BTAF1: variants seen among roughly 807,000 people sequenced by gnomAD.
The protein encoded by BTAF1 is B-TFIID TATA-box binding protein associated factor 1, also known as TATA-binding protein-associated factor 172.
Under a neutral mutation model 227.1 loss-of-function variants are expected in BTAF1, and 38 were observed. The ratio of observed to expected loss-of-function variants is 0.17; its 90% confidence interval spans 0.13 to 0.22. The LOEUF is 0.22. Among genes scored for constraint, BTAF1 ranks in the 10% least tolerant of loss-of-function variants. The pLI, the probability that BTAF1 is intolerant of heterozygous loss-of-function variation, is 1.00. For missense variants in BTAF1, 1,598 were observed against 2,204.0 expected, an observed-to-expected ratio of 0.73 and a Z score of 5.51; for synonymous variants, 742 against 751.9, an observed-to-expected ratio of 0.99 and a Z score of 0.21.
chr10:92,010,085 C>T (rs932511111), intron 28 of BTAF1, among the ~76,000 whole-genome samples: 4 of 151,708 alleles, frequency 2.6e-5, no homozygotes, highest in African/African-American at 9.7e-5. Context: ...ATAGAAGGAG[C>T]AGGACTGAAA....
In BTAF1 at chr10:91,999,603, A is replaced by G. The variant is rs191676756; in HGVS notation, c.3660+1852A>G. The stretch of plus-strand genomic sequence containing the variant: ...GAGACGGGATTTCTCCTTTTTGATC[A>G]GGCTGGTCTAAACTCCCAACCTCAG... On this transcript the variant is annotated intron_variant, in intron 25 of 37. Transcript: ENST00000265990. Among the ~76,000 whole-genome samples the G allele has an allele frequency of 4.7e-3, 723 of 152,266 alleles. 9 individuals are homozygous for G. Among genetic ancestry groups the G allele is most frequent in the Middle Eastern group, 0.027 (8 of 294 alleles).
At chr10:91,936,973 G>A (rs1243682214) in intron 2 of BTAF1, among the ~76,000 whole-genome samples, 1 of 151,628 alleles carries the variant, frequency 6.6e-6, no homozygotes, top group Non-Finnish European at 1.5e-5. Flanking sequence ...CTTTTTCCTC[G>A]GCTGTCAGCG....
At position 91,947,735 on chromosome 10, in the gene BTAF1, C is replaced by CAAAAAAAA. The variant is rs34292341; in HGVS notation, c.401-3653_401-3646dup. Among the ~76,000 whole-genome samples the CAAAAAAAA allele has an allele frequency of 1.9e-5, 2 of 107,386 alleles. 1 individual carries two copies. The highest frequency in any genetic ancestry group is 7.8e-5 in the African/African-American group (2 of 25,542). The allele number at this position is 107,386 out of a possible 152,430, so 70.4% of individuals were successfully genotyped here. Reference sequence around the variant, plus strand: ...TTTAGGACCAGTCTGTCAATGTTTGCAAAAAAAAAAAAAAAAAAAAAAGCC... The same window carrying CAAAAAAAA: ...TTTAGGACCAGTCTGTCAATGTTTGCAAAAAAAAAAAAAAAAAAAAAAAAAAAAAAGCC... On this transcript the variant is annotated intron_variant, in intron 4 of 37. Transcript: ENST00000265990.
At chr10:91,977,561 T>TTG (rs759179095) in intron 14 of BTAF1, among the ~76,000 whole-genome samples, 1 of 152,214 alleles carries the variant, frequency 6.6e-6, no homozygotes, top group African/African-American at 2.4e-5. Flanking sequence ...GTGCAGATTT[T>TTG]TGTGTGGACT....
At position 91,984,287 on chromosome 10, in the gene BTAF1, A is replaced by G. The variant is rs1211897744; in HGVS notation, c.2310A>G (p.Pro770=). The G allele has an allele frequency of 1.2e-6, 2 of 1,613,826 alleles. No homozygotes were observed. The highest frequency in any genetic ancestry group is 3.3e-5 in the Admixed American group (2 of 60,006). Residue 770 remains proline, a synonymous_variant, in exon 19 of 38, where the codon CCA becomes CCG. Transcript: ENST00000265990. ...TATATTATGACGAAATTGCCGTTCCATTCACACGAATGCAGAATGAATGTA... is the reference window on the plus strand; with the variant it reads ...TATATTATGACGAAATTGCCGTTCCGTTCACACGAATGCAGAATGAATGTA... ...EHLYYDEIAV[P]FTRMQNECKQ...
At chr10:91,932,709 G>A (rs1844353367) in intron 1 of BTAF1, among the ~76,000 whole-genome samples, 1 of 152,248 alleles carries the variant, frequency 6.6e-6, no homozygotes, top group Admixed American at 6.5e-5. Flanking sequence ...AGAAAAGGAA[G>A]TAATCTCTGT....
intron 21 of BTAF1, among the ~76,000 whole-genome samples, chr10:91,993,153 G>C (rs1052841712): frequency 6.6e-6 from 1 of 151,994 alleles, no homozygotes; most frequent in Non-Finnish European, 1.5e-5. Context: ...CTGTGATTTT[G>C]ATATTTATAT....
At chr10:92,027,983 C>CT (rs1440021367) in intron 37 of BTAF1, among the ~76,000 whole-genome samples, 1 of 152,126 alleles carries the variant, frequency 6.6e-6, no homozygotes, top group Non-Finnish European at 1.5e-5. Context: ...TTCTGCCATA[C>CT]TATGTGTATG....
chr10:92,024,733 T>TG, intron 34 of BTAF1, 23 bp from the exon 35 acceptor site: 2 of 1,158,080 alleles, frequency 1.7e-6, no homozygotes, highest in African/African-American at 4.6e-5. Flanking sequence ...GCTTATGTAG[T>TG]TTTTTTTTTT....
At chr10:91,970,278 G>A (rs1847195717) in intron 14 of BTAF1, among the ~76,000 whole-genome samples, 1 of 152,128 alleles carries the variant, frequency 6.6e-6, no homozygotes, top group Non-Finnish European at 1.5e-5. Context: ...AAGTAAATTA[G>A]TGTGAGATTC....
intron 4 of BTAF1, among the ~76,000 whole-genome samples, chr10:91,947,087 C>T (rs893650485): frequency 2.0e-5 from 3 of 152,198 alleles, no homozygotes; most frequent in Non-Finnish European, 2.9e-5. Context: ...AGGTGAACCA[C>T]CGGCCTTGGC....
intron 25 of BTAF1, among the ~76,000 whole-genome samples, chr10:92,001,228 CA>C (rs1849504701): frequency 1.3e-5 from 2 of 152,266 alleles, no homozygotes; most frequent in Admixed American, 1.3e-4. Flanking sequence ...ACAGAATTAG[CA>C]AAACAGAGTA....
In BTAF1 at chr10:92,011,083, C is replaced by A; in HGVS notation, c.4114C>A (p.Gln1372Lys). The stretch of plus-strand genomic sequence containing the variant: ...CATTTCTAAATAAAGGTTACAGCAC[C>A]AAGTAAAAAGGCACAATCTAATAGT... The part of the protein sequence containing the change: ...PPTERIRLQH[Q>K]VKRHNLIVAS... The change falls in exon 29 of 38, where the codon CAA becomes AAA. Residue 1372 changes from glutamine (Q) to lysine (K), a missense_variant. Around this residue, in one of 10 missense-constraint regions of BTAF1, gnomAD observed 184 missense variants for 341.1 expected, o/e 0.54. Coordinates refer to ENST00000265990, the MANE Select transcript of BTAF1 (RefSeq NM_003972.3). 6.2e-7 allele frequency: 1 copy of A among 1,604,116 alleles called. No individual in the cohort carries two copies. The highest frequency in any genetic ancestry group is 1.3e-5 in the African/African-American group (1 of 74,452).
intron 1 of BTAF1, chr10:91,935,198 A>G (rs563876932): frequency 2.0e-5 from 3 of 153,366 alleles, no homozygotes; most frequent in African/African-American, 7.2e-5. Flanking sequence ...TGTAATGATC[A>G]TATTAGCATA....
chr10:91,954,381 T>A (rs1214278969), intron 6 of BTAF1, among the ~76,000 whole-genome samples: 2 of 152,170 alleles, frequency 1.3e-5, no homozygotes, highest in African/African-American at 4.8e-5. Context: ...TAGGCTAGTT[T>A]ATGTAGTCCT....
intron 12 of BTAF1, 120 bp from the exon 13 acceptor site, chr10:91,963,957 C>T: frequency 9.1e-7 from 1 of 1,104,350 alleles, no homozygotes; most frequent in Non-Finnish European, 1.3e-6. Context: ...TTGACACCGT[C>T]CAAGGTCATT....
At chr10:91,952,180 GTATA>G (rs917595928) in intron 5 of BTAF1, among the ~76,000 whole-genome samples, 3 of 143,136 alleles carry the variant, frequency 2.1e-5, no homozygotes, top group Non-Finnish European at 4.6e-5. Flanking sequence ...GTGTGTGTGT[GTATA>G]TATATATTCC....
Position 91,984,260 on chromosome 10 carries a change from T to C in BTAF1, c.2283T>C (p.His761=), listed in dbSNP as rs762931529. 1 of 1,613,958 alleles carries C rather than the reference T, an allele frequency of 6.2e-7. No homozygotes were observed. The highest frequency in any genetic ancestry group is 8.5e-7 in the Non-Finnish European group (1 of 1,179,928). The change falls in exon 19 of 38, where the codon CAT becomes CAC. Residue 761 remains histidine, a synonymous_variant. Coordinates refer to ENST00000265990, the MANE Select transcript of BTAF1 (RefSeq NM_003972.3). The part of the protein sequence containing the change: ...QPRLLDILSE[H]LYYDEIAVPF... ...GTTTACTTGATATCCTTTCAGAACA[T>C]TTATATTATGACGAAATTGCCGTTC...
chr10:91,925,514 C>CTTTTTT (rs1429217189), intron 1 of BTAF1, among the ~76,000 whole-genome samples: 1 of 69,032 alleles, frequency 1.4e-5, no homozygotes, highest in Non-Finnish European at 4.3e-5. Context: ...CAACGCTAAT[C>CTTTTTT]TCTTTTTTTT....
Sources: allele counts gnomAD v4.1 joint callset (sites outside exome capture counted in the v4.1 genomes callset), GRCh38; gene constraint gnomAD v4.1.1; regional missense constraint gnomAD v4.1.1; transcripts MANE v1.5; gene names NCBI Gene and HGNC (gene_info 2026-07-23, HGNC 2026-07-21).